Variants in ITSN1 observed in about 807,000 individuals in gnomAD.
ITSN1 encodes intersectin 1, also known as intersectin-1.
A neutral mutation model predicts 239.8 loss-of-function variants in ITSN1; 58 were observed. That is an observed-to-expected ratio of 0.24 (90% CI 0.20 to 0.30). ITSN1 has a LOEUF of 0.30. ITSN1 is among the 10% of genes least tolerant of loss of function. The pLI is 1.00. For synonymous variants in ITSN1, 780 were observed against 770.8 expected (o/e 1.01, Z -0.20); for missense variants, 1,558 against 2,103.3 (o/e 0.74, Z 5.07).
chr21:33,797,759 C>T lies in ITSN1; in HGVS notation c.2182+151C>T. 1.5e-6 allele frequency: 1 copy of T among 657,966 alleles called. No homozygotes were observed. Among genetic ancestry groups the T allele is most frequent in the Non-Finnish European group, 2.6e-6 (1 of 378,372 alleles). 40.8% of individuals were successfully genotyped at this position (657,966 alleles called of 1,614,324 possible). The stretch of plus-strand genomic sequence containing the variant: ...TTTTGAGCATGGCCAGCTCTTCTTT[C>T]CCCAGGGTCATTTGAGATCTGTGTA... On this transcript the variant is annotated intron_variant, in intron 18 of 39. Transcript: ENST00000381318. This position sits in a 1 kb window ranked among gnomAD's most constrained non-coding sequence, Gnocchi z 4.9.
rs551944741 is a variant in ITSN1, at chr21:33,695,901, T to C, written c.-32-22896T>C. 7.2e-5 allele frequency among the ~76,000 whole-genome samples: 11 copies of C among 152,330 alleles called. No homozygotes were observed. The East Asian group carries it at 2.1e-3, about 29-fold the overall frequency. ...TTCCTCAGGCTTGAATATATTTCAGTGCACCTCAATCAAGTGAAGTGAGAT... is the reference window on the plus strand; with the variant it reads ...TTCCTCAGGCTTGAATATATTTCAGCGCACCTCAATCAAGTGAAGTGAGAT... On this transcript the variant is annotated intron_variant, in intron 1 of 39. Coordinates refer to ENST00000381318, the MANE Select transcript of ITSN1 (RefSeq NM_003024.3).
intron 15 of ITSN1, 35 bp from the exon 16 acceptor site, chr21:33,781,959 G>C (rs768934208): frequency 5.8e-5 from 91 of 1,558,898 alleles, no homozygotes; most frequent in Non-Finnish European, 7.7e-5. Flanking sequence ...GCAAATTAAA[G>C]TTTTTCTTAT....
chr21:33,805,264 T>C (rs775292878), intron 20 of ITSN1, among the ~76,000 whole-genome samples: 72 of 152,368 alleles, frequency 4.7e-4, no homozygotes, highest in Admixed American at 2.0e-3. Context: ...TTATCAGTCA[T>C]TAGCCAGTCA....
Position 33,764,475 on chromosome 21 carries a change from G to A in ITSN1, c.789-1400G>A, listed in dbSNP as rs1214123187. On this transcript the variant is annotated intron_variant, in intron 9 of 39. Coordinates refer to ENST00000381318, the MANE Select transcript of ITSN1 (RefSeq NM_003024.3). ...TGGGTATCTTGCATATGGGTATCTT[G>A]CAAAACTAGAGGAACAGAAAAAAGA... 2.0e-5 allele frequency among the ~76,000 whole-genome samples: 3 copies of A among 152,062 alleles called. No homozygotes were observed. In the East Asian group the frequency reaches 5.8e-4, roughly 29 times the overall value.
intron 29 of ITSN1, among the ~76,000 whole-genome samples, chr21:33,847,314 C>T (rs936226873): frequency 1.8e-4 from 28 of 152,326 alleles, no homozygotes; most frequent in South Asian, 1.4e-3. Context: ...CCACTGCCAT[C>T]CCCCACCAGT....
At chr21:33,814,282 G>A (rs1031989649) in intron 22 of ITSN1, 1 of 536,860 alleles carries the variant, frequency 1.9e-6, no homozygotes. Context: ...AACTTCTCCT[G>A]CCTGGGTTGA....
chr21:33,687,398 T>TA lies in ITSN1; in HGVS notation c.-32-31369dup, dbSNP rs58230508. 3.3e-3 allele frequency among the ~76,000 whole-genome samples: 269 copies of TA among 81,332 alleles called. 6 individuals are homozygous for TA. Among genetic ancestry groups the TA allele is most frequent in the East Asian group, 0.019 (37 of 1,956 alleles). 53.4% of individuals were successfully genotyped at this position (81,332 alleles called of 152,430 possible). A position where few individuals can be genotyped will look rare whatever the true frequency, so the allele number is the denominator to read the frequency against. The stretch of plus-strand genomic sequence containing the variant: ...GGGCAACAAGAGCAGAACTCCATCT[T>TA]AAAAAAAAAAAAAAAAAAAAAAAAA... On this transcript the variant is annotated intron_variant, in intron 1 of 39. Coordinates refer to ENST00000381318, the MANE Select transcript of ITSN1 (RefSeq NM_003024.3).
chr21:33,662,366 A>G (rs1455064838), intron 1 of ITSN1, among the ~76,000 whole-genome samples: 2 of 152,224 alleles, frequency 1.3e-5, no homozygotes, highest in African/African-American at 2.4e-5. Flanking sequence ...AAATCCCATC[A>G]TAACAGGAAA....
chr21:33,867,340 CTG>C lies in ITSN1; in HGVS notation c.4173+11_4173+12del, dbSNP rs751709171. Reference sequence around the variant, plus strand: ...CACTGATCATTAAAAATGTAAGTACCTGTCTTGCCTTTTCAAGCAGGGGACGG... The same window carrying C: ...CACTGATCATTAAAAATGTAAGTACCTCTTGCCTTTTCAAGCAGGGGACGG... On this transcript the variant is annotated intron_variant, in intron 33 of 39. Coordinates refer to ENST00000381318, the MANE Select transcript of ITSN1 (RefSeq NM_003024.3). 15 of 1,526,916 alleles carry C rather than the reference CTG, an allele frequency of 9.8e-6. No individual in the cohort carries two copies. The highest frequency in any genetic ancestry group is 8.2e-6 in the Non-Finnish European group (9 of 1,100,624). The allele number at this position is 1,526,916 out of a possible 1,614,324, so 94.6% of individuals were successfully genotyped here. A position where few individuals can be genotyped will look rare whatever the true frequency, so the allele number is the denominator to read the frequency against.
intron 1 of ITSN1, among the ~76,000 whole-genome samples, chr21:33,661,053 A>C (rs1024863833): frequency 6.6e-6 from 1 of 152,232 alleles, no homozygotes; most frequent in Admixed American, 6.5e-5. Context: ...ATAATGGCAG[A>C]TACAAGTTTT....
intron 1 of ITSN1, among the ~76,000 whole-genome samples, chr21:33,679,221 T>C (rs1361481209): frequency 6.6e-6 from 1 of 152,008 alleles, no homozygotes; most frequent in Non-Finnish European, 1.5e-5. Flanking sequence ...ATTCCCTTTG[T>C]GTGTGTGTGT....
intron 34 of ITSN1, among the ~76,000 whole-genome samples, chr21:33,880,585 T>C (rs1413074955): frequency 6.6e-6 from 1 of 152,212 alleles, no homozygotes; most frequent in Non-Finnish European, 1.5e-5. Context: ...CCTTTCCAGC[T>C]GCCTTTAGCT....
intron 4 of ITSN1, among the ~76,000 whole-genome samples, chr21:33,733,062 C>T (rs1299192023): frequency 6.6e-6 from 1 of 151,956 alleles, no homozygotes; most frequent in Non-Finnish European, 1.5e-5. Flanking sequence ...GTTTGTATAA[C>T]AGATAAAATA....
chr21:33,874,047 C>T (rs370508255), intron 33 of ITSN1, among the ~76,000 whole-genome samples: 7 of 143,660 alleles, frequency 4.9e-5, no homozygotes, highest in African/African-American at 1.6e-4. Context: ...CCCAGCTACT[C>T]GGGAGGCTGA....
intron 21 of ITSN1, among the ~76,000 whole-genome samples, chr21:33,813,207 G>A (rs948186170): frequency 1.3e-5 from 2 of 151,908 alleles, no homozygotes; most frequent in Non-Finnish European, 2.9e-5. Context: ...TTGAGACAGA[G>A]TCTTGCTCTG....
intron 33 of ITSN1, among the ~76,000 whole-genome samples, chr21:33,867,805 C>G (rs947080018): frequency 1.4e-4 from 21 of 151,880 alleles, no homozygotes; most frequent in Non-Finnish European, 2.2e-4. Context: ...TTCGGAGTTT[C>G]TTCCTTCTGG....
chr21:33,823,508 A>G lies in ITSN1; in HGVS notation c.3038A>G (p.Tyr1013Cys). ...SGEEFIAMYT[Y>C]ESSEQGDLTF... ...CCAGAATTTATTGCCATGTACACTT[A>G]CGAGAGTTCTGAGCAAGGAGATTTA... The change falls in exon 25 of 40, where the codon TAC (tyrosine) becomes TGC (cysteine). Residue 1013 changes from tyrosine (Y) to cysteine (C), a missense_variant. Tyr to Cys is a radical substitution (Grantham distance 194, BLOSUM62 -2). Around this residue, in one of 2 missense-constraint regions of ITSN1, gnomAD observed 982 missense variants for 1,209.9 expected, o/e 0.81. Transcript: ENST00000381318. The G allele has an allele frequency of 6.2e-7, 1 of 1,614,008 alleles. No individual in the cohort carries two copies. Among genetic ancestry groups the G allele is most frequent in the Non-Finnish European group, 8.5e-7 (1 of 1,179,922 alleles).
At chr21:33,670,481 G>A (rs1055514139) in intron 1 of ITSN1, among the ~76,000 whole-genome samples, 8 of 150,590 alleles carry the variant, frequency 5.3e-5, no homozygotes, top group African/African-American at 1.7e-4. Flanking sequence ...AATGAAAATC[G>A]CTTTTTTTTT....
At chr21:33,730,081 T>A (rs975769768) in intron 4 of ITSN1, among the ~76,000 whole-genome samples, 5 of 152,148 alleles carry the variant, frequency 3.3e-5, no homozygotes, top group African/African-American at 9.7e-5. Context: ...TGATTAGGTT[T>A]ATTTTCATTT....
Sources: gnomAD v4.1 joint callset for allele counts (sites outside exome capture counted in the v4.1 genomes callset) on GRCh38, gnomAD v4.1.1 for gene constraint, gnomAD v4.1.1 regional missense constraint, Gnocchi (gnomAD v3.1) non-coding constraint, MANE v1.5 for transcripts, NCBI Gene and HGNC (gene_info 2026-07-23, HGNC 2026-07-21) for gene names.